The following CSMD1 variants were observed in gnomAD, a reference collection of about 807,000 sequenced individuals.
The protein encoded by CSMD1 is CUB and sushi domain-containing protein 1.
In CSMD1, 213 loss-of-function variants were observed where a neutral mutation model predicts 417.5. That is an observed-to-expected ratio of 0.51 (90% CI 0.46 to 0.57). The LOEUF is 0.57. Ranked by LOEUF, CSMD1 falls within the 20% of genes least tolerant of loss-of-function variation. The pLI is 0.00. For missense variants in CSMD1, 6,923 were observed against 4,529.7 expected, an observed-to-expected ratio of 1.53 and a Z score of -15.17; for synonymous variants, 2,862 against 1,736.8, an observed-to-expected ratio of 1.65 and a Z score of -16.11.
intron 1 of CSMD1, among the ~76,000 whole-genome samples, chr8:4,642,391 T>G (rs1803248924): frequency 6.6e-6 from 1 of 152,164 alleles, no homozygotes; most frequent in African/African-American, 2.4e-5. Context: ...AACACCCCCC[T>G]ACAGTTGGTT....
intron 7 of CSMD1, among the ~76,000 whole-genome samples, chr8:3,653,434 C>T (rs958631018): frequency 1.3e-5 from 2 of 152,022 alleles, no homozygotes; most frequent in East Asian, 1.9e-4. Flanking sequence ...TCAGCCTCCC[C>T]AGTAGCTGGG....
At chr8:3,590,663 C>A (rs1481473439) in intron 8 of CSMD1, among the ~76,000 whole-genome samples, 1 of 152,120 alleles carries the variant, frequency 6.6e-6, no homozygotes, top group Non-Finnish European at 1.5e-5. Flanking sequence ...TCTCTAATTT[C>A]AAAGCATTAA....
chr8:3,471,509 A>ATTCCTTCCTTCCTTCG (rs1324658220), intron 11 of CSMD1, among the ~76,000 whole-genome samples: 1 of 106,584 alleles, frequency 9.4e-6, no homozygotes, highest in Non-Finnish European at 2.2e-5. Flanking sequence ...TCCTTCCTTC[A>ATTCCTTCCTTCCTTCG]TTCCTTCCTT....
intron 1 of CSMD1, among the ~76,000 whole-genome samples, chr8:4,992,023 T>G (rs546956735): frequency 1.2e-3 from 187 of 152,218 alleles, no homozygotes; most frequent in Admixed American, 2.0e-3. Flanking sequence ...TCCAGCTCCA[T>G]GCACGCCAGG....
At chr8:4,575,881 T>G (rs886829322) in intron 2 of CSMD1, among the ~76,000 whole-genome samples, 10 of 152,178 alleles carry the variant, frequency 6.6e-5, no homozygotes, top group Non-Finnish European at 1.5e-4. Flanking sequence ...TTGCTGTCAT[T>G]CATTCCCCGT....
chr8:4,372,020 G>C (rs987736365), intron 3 of CSMD1, among the ~76,000 whole-genome samples: 2 of 151,824 alleles, frequency 1.3e-5, no homozygotes. Context: ...GGTTCAGCAC[G>C]ATATAGCTAC....
chr8:4,679,084 G>A (rs993690835), intron 1 of CSMD1, among the ~76,000 whole-genome samples: 23 of 152,230 alleles, frequency 1.5e-4, no homozygotes, highest in African/African-American at 5.3e-4. Flanking sequence ...CCCTCAGGTA[G>A]CCTCACATCT....
rs146713607 is a variant in CSMD1, at chr8:3,896,730, T to A, written c.818+101173A>T. Among the ~76,000 whole-genome samples the A allele has an allele frequency of 5.6e-3, 852 of 152,136 alleles. 19 individuals carry two copies. Among genetic ancestry groups the A allele is most frequent in the East Asian group, 0.049 (252 of 5,160 alleles). ...TTTCACCACATTAGCCAGGATGGTC[T>A]CGATCCTGAATATGTTTTTTTTAAT... On this transcript the variant is annotated intron_variant, in intron 5 of 69. Coordinates refer to ENST00000635120, the MANE Select transcript of CSMD1 (RefSeq NM_033225.6).
chr8:3,027,247 T>G (rs1215254860), intron 51 of CSMD1, among the ~76,000 whole-genome samples: 1 of 152,192 alleles, frequency 6.6e-6, no homozygotes, highest in African/African-American at 2.4e-5. Context: ...ATATACTCCA[T>G]GTCAGCTTTC....
chr8:3,491,431 A>C (rs1282197814), intron 11 of CSMD1, among the ~76,000 whole-genome samples: 1 of 152,240 alleles, frequency 6.6e-6, no homozygotes, highest in Non-Finnish European at 1.5e-5. Flanking sequence ...CATGGTGCGT[A>C]AAAGATACAT....
At chr8:3,082,169 C>T (rs1814149516) in intron 49 of CSMD1, among the ~76,000 whole-genome samples, 1 of 152,214 alleles carries the variant, frequency 6.6e-6, no homozygotes, top group South Asian at 2.1e-4. Context: ...ATCCCTCAAA[C>T]ACACATTGCT....
chr8:3,458,339 A>C (rs1387041467), intron 12 of CSMD1, among the ~76,000 whole-genome samples: 1 of 152,218 alleles, frequency 6.6e-6, no homozygotes, highest in Non-Finnish European at 1.5e-5. Flanking sequence ...CTTATCTCAC[A>C]TTATTAAGAG....
chr8:4,455,082 G>C (rs982481641), intron 2 of CSMD1, among the ~76,000 whole-genome samples: 1 of 152,108 alleles, frequency 6.6e-6, no homozygotes. Flanking sequence ...GTGCTATACA[G>C]GAATTTTTTC....
At chr8:4,365,711 G>GC (rs981363126) in intron 3 of CSMD1, among the ~76,000 whole-genome samples, 4 of 152,108 alleles carry the variant, frequency 2.6e-5, no homozygotes, top group African/African-American at 9.7e-5. Context: ...GAGACTTTCT[G>GC]CCACGTGCTT....
In CSMD1 at chr8:4,416,168, T is replaced by C. The variant is rs116905442; in HGVS notation, c.415+3785A>G. On this transcript the variant is annotated intron_variant, in intron 3 of 69. Coordinates refer to ENST00000635120, the MANE Select transcript of CSMD1 (RefSeq NM_033225.6). ...TTCTATACAAAGCAAGTAGTGATTC[T>C]AGTTAATAAATACCGGAGTCACTGT... Among the ~76,000 whole-genome samples the C allele has an allele frequency of 5.3e-3, 809 of 152,314 alleles. 31 individuals carry two copies. The East Asian group carries it at 0.079, about 15-fold the overall frequency.
In CSMD1 at chr8:4,731,298, C is replaced by T. The variant is rs549684113; in HGVS notation, c.86-93740G>A. ...TAGAGGCCACCTTCCTCATGGGATC[C>T]GTCTTTGGAATCAGCAGTTTTTGCT... is the stretch of plus-strand genomic sequence containing the variant. On this transcript the variant is annotated intron_variant, in intron 1 of 69. Transcript: ENST00000635120. Among the ~76,000 whole-genome samples, 26 of 152,238 alleles carry T rather than the reference C, an allele frequency of 1.7e-4. No individual in the cohort carries two copies. In the South Asian group the frequency reaches 5.0e-3, roughly 29 times the overall value.
At chr8:3,709,815 G>T (rs758548868) in intron 6 of CSMD1, among the ~76,000 whole-genome samples, 1 of 148,102 alleles carries the variant, frequency 6.8e-6, no homozygotes, top group Admixed American at 6.9e-5. Flanking sequence ...TCATAATCAT[G>T]TGAGTCAGTT....
intron 8 of CSMD1, among the ~76,000 whole-genome samples, chr8:3,586,680 A>G (rs1800615744): frequency 6.6e-6 from 1 of 152,232 alleles, no homozygotes; most frequent in Non-Finnish European, 1.5e-5. Flanking sequence ...AGTCTAGGTT[A>G]AGAAAATATG....
intron 10 of CSMD1, among the ~76,000 whole-genome samples, chr8:3,559,575 C>A (rs938137152): frequency 2.0e-5 from 3 of 151,974 alleles, no homozygotes; most frequent in African/African-American, 7.2e-5. Flanking sequence ...TGTTTATAAA[C>A]ACAGAGATAC....
Sources: gnomAD v4.1 joint callset for allele counts (sites outside exome capture counted in the v4.1 genomes callset) on GRCh38, gnomAD v4.1.1 for gene constraint, MANE v1.5 for transcripts, NCBI Gene and HGNC (gene_info 2026-07-23, HGNC 2026-07-21) for gene names.